The following PLEKHG4B variants were observed in gnomAD, a reference collection of about 807,000 sequenced individuals.
PLEKHG4B encodes pleckstrin homology domain-containing family G member 4B.
In PLEKHG4B, 111 loss-of-function variants were observed where a neutral mutation model predicts 121.3. The observed-to-expected ratio is 0.92, with a 90% confidence interval of 0.78 to 1.07. The LOEUF (loss-of-function observed/expected upper bound fraction) is 1.07. Ranked by LOEUF, PLEKHG4B falls within the 50% of genes least tolerant of loss-of-function variation. The probability of loss-of-function intolerance (pLI) is 0.00; values close to 1 mark genes in which losing one functional copy is unlikely to be tolerated. For missense variants in PLEKHG4B, 1,831 were observed against 1,757.8 expected (o/e 1.04, Z -0.74); for synonymous variants, 738 against 725.0 (o/e 1.02, Z -0.29).
intron 1 of PLEKHG4B, among the ~76,000 whole-genome samples, chr5:107,446 A>G (rs1734009410): frequency 6.6e-6 from 1 of 152,134 alleles, no homozygotes; most frequent in African/African-American, 2.4e-5. Context: ...TGGCCTTCCT[A>G]GGAGGAAGAA....
In PLEKHG4B at chr5:157,476, C is replaced by T. The variant is rs528369240; in HGVS notation, c.2487+565C>T. ...ATGGCATTGGTGGGGGTTGGCCACA[C>T]GCTGCTGGACTACAGGGTGTGAGTT... On this transcript the variant is annotated intron_variant, in intron 11 of 19. Coordinates refer to ENST00000637938, the MANE Select transcript of PLEKHG4B (RefSeq NM_052909.5). The surrounding 1 kb of genome is among the most constrained non-coding windows in gnomAD (Gnocchi z 4.6). 4.6e-5 allele frequency among the ~76,000 whole-genome samples: 7 copies of T among 152,128 alleles called. No individual in the cohort carries two copies. The highest frequency in any genetic ancestry group is 1.7e-4 in the African/African-American group (7 of 41,426).
At chr5:136,053 A>G (rs1207726124) in intron 2 of PLEKHG4B, among the ~76,000 whole-genome samples, 1 of 152,094 alleles carries the variant, frequency 6.6e-6, no homozygotes, top group Admixed American at 6.6e-5. Flanking sequence ...AGGGGTGCCA[A>G]GACTATTCAC....
intron 19 of PLEKHG4B, 83 bp downstream of exon 19, chr5:181,758 C>T: frequency 6.6e-7 from 1 of 1,520,986 alleles, no homozygotes; most frequent in East Asian, 2.3e-5. Flanking sequence ...GTGGCATCGG[C>T]CCCACCCTCA....
At chr5:154,621 C>CTTTTTTTTTTTTTTTTTTTTTT (rs35893349) in intron 7 of PLEKHG4B, among the ~76,000 whole-genome samples, 1 of 131,884 alleles carries the variant, frequency 7.6e-6, no homozygotes, top group Admixed American at 7.7e-5. Context: ...TCCTTCCTCC[C>CTTTTTTTTTTTTTTTTTTTTTT]TTTTTTTTTT....
chr5:117,218 TAAA>T (rs1239751434), intron 2 of PLEKHG4B, among the ~76,000 whole-genome samples: 1 of 152,204 alleles, frequency 6.6e-6, no homozygotes. Flanking sequence ...TTTTGAATGA[TAAA>T]AATAAAATTT....
At chr5:169,177 A>C in intron 13 of PLEKHG4B, 163 bp from the exon 14 acceptor site, 1 of 938,170 alleles carries the variant, frequency 1.1e-6, no homozygotes, top group Non-Finnish European at 1.6e-6. Context: ...CCTGGCCGGA[A>C]GCTTTTTTAT....
At chr5:127,039 G>T (rs1446114462) in intron 2 of PLEKHG4B, among the ~76,000 whole-genome samples, 2 of 152,134 alleles carry the variant, frequency 1.3e-5, no homozygotes, top group East Asian at 3.9e-4. Flanking sequence ...GCGCCATCTT[G>T]CCTGCTCCTT....
At chr5:162,575 C>T in intron 12 of PLEKHG4B, 147 bp from the exon 13 acceptor site, 2 of 552,052 alleles carry the variant, frequency 3.6e-6, no homozygotes, top group Admixed American at 3.8e-5. Flanking sequence ...CCGGCCACAG[C>T]CCCCACTGGG....
chr5:149,291 C>T (rs62344133), intron 6 of PLEKHG4B, among the ~76,000 whole-genome samples: 21 of 152,200 alleles, frequency 1.4e-4, no homozygotes, highest in Non-Finnish European at 2.1e-4. Context: ...TCCTGTAATC[C>T]CAGCACTTTG....
At chr5:129,771 A>G (rs1269495285) in intron 2 of PLEKHG4B, among the ~76,000 whole-genome samples, 2 of 152,218 alleles carry the variant, frequency 1.3e-5, no homozygotes, top group Non-Finnish European at 2.9e-5. Flanking sequence ...ATGTGCATTA[A>G]TGTATTTAAA....
intron 6 of PLEKHG4B, among the ~76,000 whole-genome samples, chr5:148,398 A>G (rs954093847): frequency 6.6e-6 from 1 of 152,180 alleles, no homozygotes; most frequent in Non-Finnish European, 1.5e-5. Flanking sequence ...GCAGGATGCA[A>G]AGTCAACACA....
intron 13 of PLEKHG4B, among the ~76,000 whole-genome samples, chr5:168,427 G>A (rs112211649): frequency 2.3e-4 from 35 of 152,272 alleles, no homozygotes; most frequent in African/African-American, 7.5e-4. Flanking sequence ...GAGCCCCTTG[G>A]GTCAGGAGTA....
rs769648412 is a variant in PLEKHG4B, at chr5:181,520, G to A, written c.4409G>A (p.Arg1470Lys). 4.3e-6 allele frequency: 7 copies of A among 1,612,932 alleles called. No individual in the cohort carries two copies. The African/African-American group carries it at 8.0e-5, about 18-fold the overall frequency. ...ATACTTTCTTCTGTCTTAGAACTCA[G>A]AATCCAAGAAATGGCATCCATGGGT... ...WRQALKSREL[R>K]IQEMASMGIG... Residue 1470 changes from arginine to lysine, a missense_variant, in exon 19 of 20, where the codon AGA (arginine) becomes AAA (lysine). Coordinates refer to ENST00000637938, the MANE Select transcript of PLEKHG4B (RefSeq NM_052909.5).
At chr5:161,662 A>T in intron 11 of PLEKHG4B, 121 bp from the exon 12 acceptor site, 1 of 1,241,852 alleles carries the variant, frequency 8.1e-7, no homozygotes, top group South Asian at 1.3e-5. Context: ...AGGCAGCAGC[A>T]GGCAGCACTG....
chr5:99,536 A>G (rs1021136394), intron 1 of PLEKHG4B, among the ~76,000 whole-genome samples: 1 of 152,042 alleles, frequency 6.6e-6, no homozygotes, highest in Non-Finnish European at 1.5e-5. Flanking sequence ...TTTCCTTTTC[A>G]AAGTATTCAT....
rs760421592 is a variant in PLEKHG4B at position 162,792 on chromosome 5, G to A, written c.2720G>A (p.Ser907Asn). 41 of 1,491,126 alleles carry A rather than the reference G, an allele frequency of 2.7e-5. No individual in the cohort carries two copies. The Admixed American group carries it at 9.0e-4, about 33-fold the overall frequency. 92.4% of individuals were successfully genotyped at this position (1,491,126 alleles called of 1,614,324 possible). ...PSSPVAECLR[S>N]CHQEATSVAA... ...TCACCCGTGGCTGAGTGTTTGAGGAGCTGTCACCAGGAGGCTACCTCGGTG... is the reference window on the plus strand; with the variant it reads ...TCACCCGTGGCTGAGTGTTTGAGGAACTGTCACCAGGAGGCTACCTCGGTG... Residue 907 changes from serine (S) to asparagine (N), a missense_variant, in exon 13 of 20, where the codon AGC becomes AAC. Transcript: ENST00000637938.
In PLEKHG4B at chr5:163,383, C is replaced by G. The variant is rs1309013486; in HGVS notation, c.3311C>G (p.Thr1104Ser). 6.2e-7 allele frequency: 1 copy of G among 1,613,190 alleles called. No homozygotes were observed. The change falls in exon 13 of 20, where the codon ACT becomes AGT. Residue 1104 changes from threonine to serine, a missense_variant. Thr to Ser is a moderately conservative substitution (Grantham distance 58). Transcript: ENST00000637938. ...GPRDSCQPDHTSVFSKGLEVT... is the reference protein window; with the variant it reads ...GPRDSCQPDHSSVFSKGLEVT... ...AGGGACTCCTGCCAGCCAGACCATA[C>G]TAGTGTCTTCAGCAAGGGCCTGGAG... is the stretch of plus-strand genomic sequence containing the variant.
chr5:133,196 A>G (rs1225675907), intron 2 of PLEKHG4B, among the ~76,000 whole-genome samples: 1 of 152,094 alleles, frequency 6.6e-6, no homozygotes, highest in African/African-American at 2.4e-5. Context: ...CAGCTTTGTC[A>G]TTGTTAGTGT....
intron 18 of PLEKHG4B, among the ~76,000 whole-genome samples, chr5:180,272 A>G (rs1381534964): frequency 2.0e-5 from 3 of 152,214 alleles, no homozygotes; most frequent in African/African-American, 7.2e-5. Context: ...AGTCCGCCTC[A>G]GACCTTTGGG....
Sources: gnomAD v4.1 joint callset for allele counts (sites outside exome capture counted in the v4.1 genomes callset) on GRCh38, gnomAD v4.1.1 for gene constraint, Gnocchi (gnomAD v3.1) non-coding constraint, MANE v1.5 for transcripts, NCBI Gene and HGNC (gene_info 2026-07-23, HGNC 2026-07-21) for gene names.